CERKL: variants seen among roughly 807,000 people sequenced by gnomAD.
CERKL encodes ceramide kinase-like protein.
A neutral mutation model predicts 63.4 loss-of-function variants in CERKL; 61 were observed. The observed-to-expected ratio is 0.96, with a 90% confidence interval of 0.78 to 1.19. The LOEUF (loss-of-function observed/expected upper bound fraction) is 1.19, where lower values mean the gene tolerates loss of function less well. Among genes scored for constraint, CERKL ranks in the 50% most tolerant of loss-of-function variants. The pLI is 0.00. For synonymous variants in CERKL, 250 were observed against 230.5 expected, an observed-to-expected ratio of 1.08 and a Z score of -0.77; for missense variants, 675 against 655.5, an observed-to-expected ratio of 1.03 and a Z score of -0.33.
intron 1 of CERKL, among the ~76,000 whole-genome samples, chr2:181,632,343 TAAAG>T (rs1686999817): frequency 6.6e-6 from 1 of 152,222 alleles, no homozygotes; most frequent in African/African-American, 2.4e-5. Flanking sequence ...GTTTTAATTA[TAAAG>T]AGTGTGTCTT....
intron 2 of CERKL, among the ~76,000 whole-genome samples, chr2:181,584,240 G>C (rs1244806434): frequency 6.6e-6 from 1 of 152,106 alleles, no homozygotes; most frequent in African/African-American, 2.4e-5. Context: ...GGCCAGGCAT[G>C]GTGGCTCACT....
Position 181,548,970 on chromosome 2 carries a change from G to A in CERKL, c.896-113C>T, listed in dbSNP as rs1261633725. Reference sequence around the variant, plus strand: ...TAGGAGAATATCTAAAGGTACTGTAGACCATGAACATCCTCACTTTCTCTT... The same window carrying A: ...TAGGAGAATATCTAAAGGTACTGTAAACCATGAACATCCTCACTTTCTCTT... On this transcript the variant is annotated intron_variant, in intron 6 of 12. Coordinates refer to ENST00000410087, the MANE Select transcript of CERKL (RefSeq NM_201548.5). 5 of 885,440 alleles carry A rather than the reference G, an allele frequency of 5.6e-6. No homozygotes were observed. The East Asian group carries it at 1.3e-4, about 23-fold the overall frequency. The allele number at this position is 885,440 out of a possible 1,614,324, so 54.8% of individuals were successfully genotyped here. A position where few individuals can be genotyped will look rare whatever the true frequency, so the allele number is the denominator to read the frequency against.
intron 1 of CERKL, among the ~76,000 whole-genome samples, chr2:181,609,343 T>C (rs146998999): frequency 1.4e-5 from 2 of 145,654 alleles, no homozygotes; most frequent in South Asian, 2.2e-4. Flanking sequence ...ACAAGGAATC[T>C]CATAAAATAT....
At chr2:181,608,758 T>C (rs1285599071) in intron 1 of CERKL, among the ~76,000 whole-genome samples, 2 of 152,168 alleles carry the variant, frequency 1.3e-5, no homozygotes, top group Non-Finnish European at 2.9e-5. Context: ...AGACAGTAAT[T>C]GATGGATTTA....
chr2:181,580,890 C>A (rs1684474379), intron 2 of CERKL, among the ~76,000 whole-genome samples: 2 of 152,034 alleles, frequency 1.3e-5, no homozygotes, highest in African/African-American at 4.8e-5. Context: ...CAGTCTGGTA[C>A]TTTTTTAGAA....
intron 3 of CERKL, among the ~76,000 whole-genome samples, chr2:181,567,424 G>C (rs10490686): frequency 6.6e-6 from 1 of 151,844 alleles, no homozygotes; most frequent in African/African-American, 2.4e-5. Flanking sequence ...AAGTTTTTCA[G>C]ATCCAATAAT....
intron 1 of CERKL, among the ~76,000 whole-genome samples, chr2:181,639,442 T>TA: frequency 6.6e-6 from 1 of 152,276 alleles, no homozygotes; most frequent in East Asian, 1.9e-4. Flanking sequence ...AAATTAGATT[T>TA]AAAAAAACTT....
At chr2:181,631,235 A>G (rs1275440702) in intron 1 of CERKL, among the ~76,000 whole-genome samples, 2 of 152,216 alleles carry the variant, frequency 1.3e-5, no homozygotes, top group Admixed American at 1.3e-4. Flanking sequence ...CTGGTTCTTT[A>G]AAAGTCTTTT....
rs1376220660 is a variant in CERKL, at chr2:181,550,244, A to C, written c.821-536T>G. Among the ~76,000 whole-genome samples, 1 of 152,314 alleles carries C rather than the reference A, an allele frequency of 6.6e-6. No homozygotes were observed. The highest frequency in any genetic ancestry group is 1.5e-5 in the Non-Finnish European group (1 of 68,030). The stretch of plus-strand genomic sequence containing the variant: ...AAATGAGAATCCCCTCTGTTATCTG[A>C]CAAATGTCTCCTACATTGAAGAAAA... On this transcript the variant is annotated intron_variant, in intron 5 of 12. Transcript: ENST00000410087. The surrounding 1 kb of genome is among the most constrained non-coding windows in gnomAD (Gnocchi z 4.5).
intron 1 of CERKL, among the ~76,000 whole-genome samples, chr2:181,641,951 A>C (rs1423697953): frequency 1.3e-5 from 2 of 152,126 alleles, no homozygotes; most frequent in Non-Finnish European, 2.9e-5. Context: ...GACCCAACCT[A>C]CCCTAACAAA....
rs2105894253 is a variant in CERKL, at chr2:181,604,005, GT to G, written c.312del (p.Lys104AsnfsTer15). On this transcript the variant is annotated frameshift_variant, in exon 2 of 13. Coordinates refer to ENST00000410087, the MANE Select transcript of CERKL (RefSeq NM_201548.5). LOFTEE classifies it high-confidence loss of function. The stretch of plus-strand genomic sequence containing the variant: ...CTCTGCTGTTTAACAGAACAACGCC[GT>G]TTCAGTTTCACAGAGAATATGTCTT... ...ELKDIFSVKL[K>X]RRCSVKQQRS... 1 of 1,612,234 alleles carries G rather than the reference GT, an allele frequency of 6.2e-7. No homozygotes were observed. Among genetic ancestry groups the G allele is most frequent in the Non-Finnish European group, 8.5e-7 (1 of 1,178,846 alleles).
intron 2 of CERKL, 81 bp downstream of exon 2, chr2:181,603,756 T>C (rs777950308): frequency 7.0e-7 from 1 of 1,419,818 alleles, no homozygotes; most frequent in Non-Finnish European, 1.0e-6. Context: ...ACTAAAGTTG[T>C]TTTTACTCAA....
intron 10 of CERKL, 45 bp from the exon 11 acceptor site, chr2:181,544,841 G>T: frequency 1.7e-6 from 2 of 1,163,310 alleles, no homozygotes; most frequent in South Asian, 1.3e-5. Context: ...TTTACTAAGA[G>T]ATTATACCAA....
intron 1 of CERKL, among the ~76,000 whole-genome samples, chr2:181,623,319 C>G (rs1248221207): frequency 6.6e-6 from 1 of 152,030 alleles, no homozygotes; most frequent in Non-Finnish European, 1.5e-5. Context: ...AATAATAGAT[C>G]AATAAAACAG....
chr2:181,621,267 TTAAGTCTTAATAAAATTG>T (rs1686435472), intron 1 of CERKL, among the ~76,000 whole-genome samples: 2 of 152,276 alleles, frequency 1.3e-5, no homozygotes, highest in South Asian at 4.1e-4. Context: ...AGGAAAAAAA[TTAAGTCTTAATAAAATTG>T]TAAGTCTTAA....
chr2:181,626,253 G>T (rs909430377), intron 1 of CERKL, among the ~76,000 whole-genome samples: 2 of 151,928 alleles, frequency 1.3e-5, no homozygotes, highest in Non-Finnish European at 2.9e-5. Flanking sequence ...GTTCAAAATG[G>T]AAAACAATGA....
chr2:181,647,477 C>A (rs1687719079), intron 1 of CERKL, among the ~76,000 whole-genome samples: 1 of 152,174 alleles, frequency 6.6e-6, no homozygotes, highest in Non-Finnish European at 1.5e-5. Flanking sequence ...AAAACTCCTG[C>A]AGCCTAGGCC....
At chr2:181,571,574 TA>T (rs954205358) in intron 3 of CERKL, among the ~76,000 whole-genome samples, 16 of 151,728 alleles carry the variant, frequency 1.1e-4, no homozygotes, top group Non-Finnish European at 1.9e-4. Context: ...AACAGTATGA[TA>T]AAAAAAAATT....
At chr2:181,543,983 C>CAAAAAAAAAAAAAAAAAAAAA (rs11450338) in intron 11 of CERKL, among the ~76,000 whole-genome samples, 1 of 118,222 alleles carries the variant, frequency 8.5e-6, no homozygotes. Flanking sequence ...GGCTCTAACT[C>CAAAAAAAAAAAAAAAAAAAAA]AAAAAAAAAA....
Sources: gnomAD v4.1 joint callset for allele counts (sites outside exome capture counted in the v4.1 genomes callset) on GRCh38, gnomAD v4.1.1 for gene constraint, Gnocchi (gnomAD v3.1) non-coding constraint, MANE v1.5 for transcripts, NCBI Gene and HGNC (gene_info 2026-07-23, HGNC 2026-07-21) for gene names.